The following TMTC4 variants were observed in gnomAD, a reference collection of about 807,000 sequenced individuals.
TMTC4 encodes protein O-mannosyl-transferase TMTC4.
Under a neutral mutation model 86.0 loss-of-function variants are expected in TMTC4, and 65 were observed. The ratio of observed to expected loss-of-function variants is 0.76; its 90% CI spans 0.62 to 0.93. The LOEUF (loss-of-function observed/expected upper bound fraction) is 0.93, where lower values mean the gene tolerates loss of function less well. Ranked by LOEUF, TMTC4 falls within the 40% of genes least tolerant of loss-of-function variation. TMTC4 has a pLI of 0.00. For synonymous variants in TMTC4, 379 were observed against 382.5 expected, an observed-to-expected ratio of 0.99 and a Z score of 0.11; for missense variants, 866 against 948.1, an observed-to-expected ratio of 0.91 and a Z score of 1.14.
intron 12 of TMTC4, among the ~76,000 whole-genome samples, chr13:100,628,108 T>C (rs1880817813): frequency 6.6e-6 from 1 of 152,148 alleles, no homozygotes; most frequent in Non-Finnish European, 1.5e-5. Context: ...TGACCAGCCT[T>C]GTTTAGGGGT....
intron 1 of TMTC4, chr13:100,674,442 G>A (rs1280390569): frequency 2.2e-6 from 2 of 902,320 alleles, no homozygotes; most frequent in African/African-American, 1.8e-5. Flanking sequence ...CAGGGGCTGG[G>A]GGCGGCGACC....
chr13:100,668,700 G>T lies in TMTC4; in HGVS notation c.98C>A (p.Ser33Tyr). 6.2e-7 allele frequency: 1 copy of T among 1,614,264 alleles called. No homozygotes were observed. Among genetic ancestry groups the T allele is most frequent in the African/African-American group, 1.3e-5 (1 of 75,062 alleles). The change falls in exon 3 of 19, where the codon TCT becomes TAT. Residue 33 changes from serine (S) to tyrosine (Y), a missense_variant. Transcript: ENST00000342624. ...LDTDLDHILP[S>Y]SVLPPFWAKL... ...AGCCCAGAATGGAGGAAGAACAGAA[G>T]ATGGAAGAATGTGATCCAAATCAGT...
intron 15 of TMTC4, among the ~76,000 whole-genome samples, chr13:100,616,464 G>C (rs895116703): frequency 8.5e-5 from 13 of 152,204 alleles, no homozygotes; most frequent in Non-Finnish European, 4.4e-5. Context: ...GACTTCCAAA[G>C]TGCTGGGTTT....
intron 10 of TMTC4, among the ~76,000 whole-genome samples, chr13:100,636,076 C>CT (rs1299021217): frequency 2.0e-5 from 3 of 152,052 alleles, no homozygotes; most frequent in African/African-American, 7.2e-5. Context: ...TTCTCAATAA[C>CT]TTTTTTTTCC....
In TMTC4 at chr13:100,612,686, C is replaced by A. The variant is rs1484337932; in HGVS notation, c.1952-176G>T. Among the ~76,000 whole-genome samples the A allele has an allele frequency of 2.1e-5, 3 of 140,734 alleles. No homozygotes were observed. The East Asian group carries it at 5.8e-4, about 27-fold the overall frequency. The allele number at this position is 140,734 out of a possible 152,430, so 92.3% of individuals were successfully genotyped here. The stretch of plus-strand genomic sequence containing the variant: ...ACACACACACACACACACACACACA[C>A]ACACACACGACGTTATCAGTGGCAA... On this transcript the variant is annotated intron_variant, in intron 16 of 18. Transcript: ENST00000342624.
Position 100,635,130 on chromosome 13 carries a change from C to T in TMTC4, c.1268G>A (p.Arg423Gln), listed in dbSNP as rs756351839. 2.0e-5 allele frequency: 32 copies of T among 1,613,852 alleles called. No homozygotes were observed. Among genetic ancestry groups the T allele is most frequent in the Non-Finnish European group, 2.3e-5 (27 of 1,179,984 alleles). Residue 423 changes from arginine (R) to glutamine (Q), a missense_variant, in exon 11 of 19, where the codon CGA (arginine) becomes CAA (glutamine). By Grantham distance (43) the Arg-to-Gln change is conservative. Coordinates refer to ENST00000342624, the MANE Select transcript of TMTC4 (RefSeq NM_032813.5). Reference sequence around the variant, plus strand: ...ACGCTCTGCGACCACGAAGCCCACTCGGAAGAACAGGTTACTCGCGGGGAG... The same window carrying T: ...ACGCTCTGCGACCACGAAGCCCACTTGGAAGAACAGGTTACTCGCGGGGAG... ...PFLPASNLFF[R>Q]VGFVVAERVL...
chr13:100,664,634 C>T (rs1886190256), intron 3 of TMTC4, among the ~76,000 whole-genome samples: 1 of 152,156 alleles, frequency 6.6e-6, no homozygotes, highest in Non-Finnish European at 1.5e-5. Context: ...AGCTCCCAAC[C>T]CAGGGGCTCT....
In TMTC4 at chr13:100,605,269, A is replaced by G; in HGVS notation, c.2135-127T>C. The stretch of plus-strand genomic sequence containing the variant: ...TTTTCAAAAGTCAATTGTATGAAAC[A>G]ATATTGTTTGTACTGAAAACTCTAT... On this transcript the variant is annotated intron_variant, in intron 18 of 18. Transcript: ENST00000342624. This position sits in a 1 kb window ranked among gnomAD's most constrained non-coding sequence, Gnocchi z 4.3. 8.9e-7 allele frequency: 1 copy of G among 1,129,692 alleles called. No individual in the cohort carries two copies. The highest frequency in any genetic ancestry group is 1.6e-5 in the South Asian group (1 of 62,256). 70.0% of individuals were successfully genotyped at this position (1,129,692 alleles called of 1,614,324 possible). A position where few individuals can be genotyped will look rare whatever the true frequency, so the allele number is the denominator to read the frequency against.
At chr13:100,609,996 G>A (rs1186702455) in intron 17 of TMTC4, among the ~76,000 whole-genome samples, 2 of 152,202 alleles carry the variant, frequency 1.3e-5, no homozygotes, top group Non-Finnish European at 2.9e-5. Context: ...AATGAGAGAT[G>A]CATTTGATCA....
chr13:100,645,318 A>AAC (rs1883579985), intron 6 of TMTC4, among the ~76,000 whole-genome samples: 1 of 152,184 alleles, frequency 6.6e-6, no homozygotes, highest in Non-Finnish European at 1.5e-5. Context: ...CTTGGGGCAG[A>AAC]ACAGTCCTGG....
chr13:100,617,064 T>C (rs1378481970), intron 15 of TMTC4, among the ~76,000 whole-genome samples: 1 of 152,242 alleles, frequency 6.6e-6, no homozygotes, highest in African/African-American at 2.4e-5. Flanking sequence ...TTTTGAGGAC[T>C]TCATCATCAA....
intron 1 of TMTC4, among the ~76,000 whole-genome samples, chr13:100,671,837 T>C (rs994636495): frequency 9.8e-5 from 14 of 143,284 alleles, no homozygotes; most frequent in African/African-American, 2.6e-4. Flanking sequence ...TTAACGTACA[T>C]AGTGGAACAG....
At chr13:100,619,273 A>G (rs902337892) in intron 15 of TMTC4, among the ~76,000 whole-genome samples, 1 of 151,978 alleles carries the variant, frequency 6.6e-6, no homozygotes, top group Non-Finnish European at 1.5e-5. Flanking sequence ...GAATGTTAAC[A>G]TTGGTAACAG....
chr13:100,623,764 C>A, intron 15 of TMTC4: 1 of 230,072 alleles, frequency 4.3e-6, no homozygotes. Flanking sequence ...CTCAATGCAC[C>A]AGCTGATGGG....
intron 17 of TMTC4, among the ~76,000 whole-genome samples, chr13:100,609,362 C>T (rs1877181628): frequency 6.6e-6 from 1 of 151,986 alleles, no homozygotes; most frequent in African/African-American, 2.4e-5. Flanking sequence ...ATAAAAATGT[C>T]AAGTAAATAA....
chr13:100,632,770 C>A (rs865826277), intron 12 of TMTC4, among the ~76,000 whole-genome samples: 1 of 152,142 alleles, frequency 6.6e-6, no homozygotes, highest in South Asian at 2.1e-4. Flanking sequence ...GAAATCACTG[C>A]TTTCCCTTAA....
intron 1 of TMTC4, among the ~76,000 whole-genome samples, chr13:100,672,247 T>G (rs938850684): frequency 6.6e-6 from 1 of 152,202 alleles, no homozygotes; most frequent in African/African-American, 2.4e-5. Flanking sequence ...CAGTAGCCCA[T>G]CGGGTGACCT....
rs201221109 is a variant in TMTC4 at position 100,605,070 on chromosome 13, G to T, written c.2207C>A (p.Pro736His). 1.4e-4 allele frequency: 229 copies of T among 1,614,008 alleles called. No homozygotes were observed. The highest frequency in any genetic ancestry group is 5.7e-4 in the Admixed American group (34 of 59,982). ...KHYEISLQLD[P>H]TASGTKENYG... is the part of the protein sequence containing the mutation. ...ATTCTCCTTAGTTCCTGATGCCGTG[G>T]GGTCAAGCTGCAAGGAGATTTCATA... The change falls in exon 19 of 19, where the codon CCC becomes CAC. Residue 736 changes from proline to histidine, a missense_variant. Pro to His is a moderately conservative substitution (Grantham distance 77). Transcript: ENST00000342624. This position sits in a 1 kb window ranked among gnomAD's most constrained non-coding sequence, Gnocchi z 4.3.
intron 6 of TMTC4, among the ~76,000 whole-genome samples, chr13:100,648,781 G>A (rs554982358): frequency 2.0e-5 from 3 of 152,342 alleles, no homozygotes; most frequent in East Asian, 3.9e-4. Flanking sequence ...CCAGGCTCAA[G>A]CAATCCTCCG....
Sources: gnomAD v4.1 joint callset for allele counts (sites outside exome capture counted in the v4.1 genomes callset) on GRCh38, gnomAD v4.1.1 for gene constraint, Gnocchi (gnomAD v3.1) non-coding constraint, MANE v1.5 for transcripts, NCBI Gene and HGNC (gene_info 2026-07-23, HGNC 2026-07-21) for gene names.